The following CHIT1 variants were observed in gnomAD, a reference collection of about 807,000 sequenced individuals.
CHIT1 encodes the protein chitinase 1, also known as chitotriosidase-1.
Under a neutral mutation model 52.0 loss-of-function variants are expected in CHIT1, and 47 were observed. That is an observed-to-expected ratio of 0.90 (90% CI 0.71 to 1.15). The LOEUF (loss-of-function observed/expected upper bound fraction) is 1.15. CHIT1 is among the 50% of genes most tolerant of loss of function. The pLI is 0.00. For synonymous variants in CHIT1, 242 were observed against 228.2 expected (o/e 1.06, Z -0.54); for missense variants, 569 against 583.0 (o/e 0.98, Z 0.25).
At chr1:203,217,376 C>T (rs1656571787) in intron 10 of CHIT1, 24 of 1,502,004 alleles carry the variant, frequency 1.6e-5, no homozygotes, top group Non-Finnish European at 2.0e-5. Flanking sequence ...TACCCATCTG[C>T]AAGCACAACC....
In CHIT1 at chr1:203,225,864, G is replaced by A; in HGVS notation, c.62C>T (p.Ala21Val). Reference protein sequence around the residue: ...MVLLMIPWGSAAKLVCYFTNW... With the variant: ...MVLLMIPWGSVAKLVCYFTNW... ...GGTGAAGTAGCAGACCAGTTTTGCA[G>A]CAGAGCCTGGCCCGTTGGAGTAAAG... Residue 21 changes from alanine (A) to valine (V), a missense_variant, in exon 3 of 11, where the codon GCT (alanine) becomes GTT (valine). By Grantham distance (64) the Ala-to-Val change is moderately conservative. Transcript: ENST00000367229. 6.2e-7 allele frequency: 1 copy of A among 1,614,172 alleles called. No individual in the cohort carries two copies. Among genetic ancestry groups the A allele is most frequent in the Non-Finnish European group, 8.5e-7 (1 of 1,180,024 alleles).
In CHIT1 at chr1:203,216,937, C is replaced by T. The variant is rs764923282; in HGVS notation, c.1353G>A (p.Pro451=). The T allele has an allele frequency of 1.2e-5, 20 of 1,614,076 alleles. No individual in the cohort carries two copies. The highest frequency in any genetic ancestry group is 1.4e-5 in the Non-Finnish European group (16 of 1,180,044). The change falls in exon 11 of 11, where the codon CCG becomes CCA. Residue 451 remains proline (P), a synonymous_variant. Transcript: ENST00000367229. ...AGGAGTTGCTGAACACCAGGCCTGT[C>T]GGGCAGCTTTGCTGGAACAGCCGCC... ...AAGRLFQQSC[P]TGLVFSNSCK...
At chr1:203,218,156 C>T (rs1656606742) in intron 9 of CHIT1, 1 of 1,379,636 alleles carries the variant, frequency 7.2e-7, no homozygotes, top group East Asian at 3.8e-5. Context: ...TAAGTGGGAA[C>T]CCTTCACCGC....
At chr1:203,224,939 C>T in intron 4 of CHIT1, 109 bp downstream of exon 4, 1 of 1,033,358 alleles carries the variant, frequency 9.7e-7, no homozygotes, top group Non-Finnish European at 1.5e-6. Flanking sequence ...TCCCCTTTCC[C>T]CTGACCACAC....
chr1:203,219,607 T>A, intron 8 of CHIT1, 57 bp downstream of exon 8: 1 of 1,590,998 alleles, frequency 6.3e-7, no homozygotes, highest in Non-Finnish European at 8.6e-7. Context: ...GAAACCTCTG[T>A]TCTCTCAGGC....
At chr1:203,222,060 A>G (rs1356034657) in intron 7 of CHIT1, 142 bp downstream of exon 7, 3 of 1,236,664 alleles carry the variant, frequency 2.4e-6, no homozygotes, top group Non-Finnish European at 3.4e-6. Context: ...GAACAAAACA[A>G]GCAAGCAAAG....
intron 4 of CHIT1, among the ~76,000 whole-genome samples, chr1:203,224,258 C>T (rs575619137): frequency 6.6e-5 from 10 of 152,294 alleles, no homozygotes; most frequent in African/African-American, 2.4e-4. Context: ...CCAAGAACCA[C>T]CTCTCCACAT....
At chr1:203,218,007 T>A in intron 9 of CHIT1, 142 bp from the exon 10 acceptor site, 1 of 1,535,346 alleles carries the variant, frequency 6.5e-7, no homozygotes, top group South Asian at 1.2e-5. Context: ...GGAGACAGCC[T>A]TGGGCTGGGA....
At chr1:203,226,674 A>G (rs1004688987) in intron 2 of CHIT1, among the ~76,000 whole-genome samples, 2 of 151,926 alleles carry the variant, frequency 1.3e-5, no homozygotes, top group African/African-American at 4.8e-5. Context: ...ACTGTAGGGT[A>G]CTTGTCTCTA....
intron 7 of CHIT1, among the ~76,000 whole-genome samples, chr1:203,221,340 A>G (rs2102235379): frequency 6.6e-6 from 1 of 152,328 alleles, no homozygotes; most frequent in Middle Eastern, 3.4e-3. Context: ...GAGGGCTTAT[A>G]AAAAGGATCT....
At chr1:203,229,246 C>A (rs988586167) in intron 1 of CHIT1, among the ~76,000 whole-genome samples, 1 of 152,086 alleles carries the variant, frequency 6.6e-6, no homozygotes, top group Non-Finnish European at 1.5e-5. Flanking sequence ...TGGCAGTGGG[C>A]GCTTCTTGGA....
At chr1:203,223,422 C>T (rs980450427) in intron 5 of CHIT1, 73 bp downstream of exon 5, 54 of 1,603,596 alleles carry the variant, frequency 3.4e-5, no homozygotes, top group Non-Finnish European at 4.5e-5. Flanking sequence ...CAGAGCAGCC[C>T]CCACATGTGC....
intron 3 of CHIT1, among the ~76,000 whole-genome samples, chr1:203,225,420 G>T (rs184545416): frequency 0.094 from 14,345 of 152,022 alleles, 903 homozygotes; most frequent in Admixed American, 0.13. Flanking sequence ...GGGCTTCATG[G>T]GAGACAGAAA....
intron 1 of CHIT1, among the ~76,000 whole-genome samples, chr1:203,229,083 G>A (rs1226112234): frequency 6.6e-6 from 1 of 152,122 alleles, no homozygotes; most frequent in African/African-American, 2.4e-5. Context: ...GGGTCTGACA[G>A]GACTCCTTCG....
rs1041856845 is a variant in CHIT1 at position 203,225,124 on chromosome 1, C to A, written c.258-20G>T. 1 of 1,613,274 alleles carries A rather than the reference C, an allele frequency of 6.2e-7. No homozygotes were observed. Among genetic ancestry groups the A allele is most frequent in the Non-Finnish European group, 8.5e-7 (1 of 1,179,656 alleles). On this transcript the variant is annotated intron_variant, in intron 3 of 10. Coordinates refer to ENST00000367229, the MANE Select transcript of CHIT1 (RefSeq NM_003465.3). ...GGATTCCTGGGAAAGACAGGAGACA[C>A]AGCAGGATTTACTCTGCCAGCTCCC...
chr1:203,219,041 G>T (rs1265937560), intron 9 of CHIT1, among the ~76,000 whole-genome samples, 175 bp downstream of exon 9: 1 of 152,080 alleles, frequency 6.6e-6, no homozygotes, highest in Non-Finnish European at 1.5e-5. Flanking sequence ...TTGTCATTTT[G>T]TCTTTTCTGA....
Position 203,223,120 on chromosome 1 carries a change from C to T in CHIT1, c.605+15G>A, listed in dbSNP as rs1656797153. On this transcript the variant is annotated intron_variant, in intron 6 of 10. Transcript: ENST00000367229. Reference sequence around the variant, plus strand: ...CTCAGAGAGCACAGCTCCAAGCCATCTGCCTGAGACTCACTGGGCGATTTT... The same window carrying T: ...CTCAGAGAGCACAGCTCCAAGCCATTTGCCTGAGACTCACTGGGCGATTTT... 1.9e-6 allele frequency: 3 copies of T among 1,613,920 alleles called. No homozygotes were observed. The African/African-American group carries it at 4.0e-5, about 22-fold the overall frequency.
chr1:203,225,256 G>T, intron 3 of CHIT1, 152 bp from the exon 4 acceptor site: 1 of 738,690 alleles, frequency 1.4e-6, no homozygotes. Flanking sequence ...GACAGCTGTA[G>T]ATTGGAAAAG....
At chr1:203,225,203 T>G in intron 3 of CHIT1, 99 bp from the exon 4 acceptor site, 1 of 1,097,446 alleles carries the variant, frequency 9.1e-7, no homozygotes, top group Non-Finnish European at 1.4e-6. Flanking sequence ...GGTGGGGACG[T>G]GTGAAAGTGC....
Sources: gnomAD v4.1 joint callset for allele counts (sites outside exome capture counted in the v4.1 genomes callset) on GRCh38, gnomAD v4.1.1 for gene constraint, MANE v1.5 for transcripts, NCBI Gene and HGNC (gene_info 2026-07-23, HGNC 2026-07-21) for gene names.